Variants in SHC3 observed in about 807,000 individuals in gnomAD.
SHC3 encodes the protein SHC adaptor protein 3, also known as SHC-transforming protein 3.
A neutral mutation model predicts 60.4 loss-of-function variants in SHC3; 15 were observed. The observed-to-expected ratio is 0.25, with a 90% confidence interval of 0.17 to 0.38. The LOEUF is 0.38. Among genes scored for constraint, SHC3 ranks in the 10% least tolerant of loss-of-function variants. The probability of loss-of-function intolerance (pLI) is 1.00; values close to 1 mark genes in which losing one functional copy is unlikely to be tolerated. For synonymous variants in SHC3, 294 were observed against 325.9 expected, an observed-to-expected ratio of 0.90 and a Z score of 1.05; for missense variants, 677 against 786.1, an observed-to-expected ratio of 0.86 and a Z score of 1.66.
At chr9:89,108,800 CCTAACA>C (rs531450835) in intron 2 of SHC3, among the ~76,000 whole-genome samples, 221 of 152,196 alleles carry the variant, frequency 1.5e-3, no homozygotes, top group African/African-American at 5.1e-3. Flanking sequence ...AGAAAGTCGC[CCTAACA>C]CTAACAGAAT....
intron 6 of SHC3, among the ~76,000 whole-genome samples, chr9:89,060,131 C>CA (rs1825060417): frequency 7.8e-6 from 1 of 128,006 alleles, no homozygotes; most frequent in African/African-American, 3.0e-5. Flanking sequence ...TGGTGTAGGA[C>CA]GTGGTGGAGG....
At chr9:89,127,070 G>A (rs535252271) in intron 1 of SHC3, among the ~76,000 whole-genome samples, 4 of 152,254 alleles carry the variant, frequency 2.6e-5, no homozygotes, top group Middle Eastern at 3.4e-3. Context: ...TAGACTCCTG[G>A]GAAAAGCAAT....
chr9:89,048,490 A>G (rs1371058755), intron 7 of SHC3, among the ~76,000 whole-genome samples: 2 of 152,188 alleles, frequency 1.3e-5, no homozygotes, highest in Admixed American at 6.5e-5. Context: ...AAAGTAGATT[A>G]GTGGTTGGTG....
In SHC3 at chr9:89,178,584, G is replaced by C. The variant is rs974566587; in HGVS notation, c.-124C>G. On this transcript the variant is annotated 5_prime_UTR_variant, in exon 1 of 12. Transcript: ENST00000375835. This position sits in a 1 kb window ranked among gnomAD's most constrained non-coding sequence, Gnocchi z 6.9. ...GACGGAGAGTGGGGGCCCCGGGACA[G>C]CCTTCTGGAGAACGAGAGCAGAGCA... The C allele has an allele frequency of 1.2e-6, 1 of 816,974 alleles. No homozygotes were observed. The highest frequency in any genetic ancestry group is 1.8e-5 in the African/African-American group (1 of 55,446). The allele number at this position is 816,974 out of a possible 1,614,324, so 50.6% of individuals were successfully genotyped here. A position where few individuals can be genotyped will look rare whatever the true frequency, so the allele number is the denominator to read the frequency against.
At chr9:89,112,741 C>G in intron 1 of SHC3, 115 bp from the exon 2 acceptor site, 1 of 833,154 alleles carries the variant, frequency 1.2e-6, no homozygotes, top group Non-Finnish European at 1.8e-6. Context: ...CACATTTTAA[C>G]TTTAAATTCT....
chr9:89,099,646 G>A lies in SHC3; in HGVS notation c.545+12910C>T, dbSNP rs183447706. ...TACTGATCATTGACCTAATTCTGCCGACACAAACAGCTTCAAGTGTGCCCA... is the reference window on the plus strand; with the variant it reads ...TACTGATCATTGACCTAATTCTGCCAACACAAACAGCTTCAAGTGTGCCCA... On this transcript the variant is annotated intron_variant, in intron 2 of 11. Transcript: ENST00000375835. 1.0e-3 allele frequency among the ~76,000 whole-genome samples: 156 copies of A among 152,208 alleles called. 1 individual carries two copies. The highest frequency in any genetic ancestry group is 1.5e-3 in the Admixed American group (23 of 15,292).
At position 89,164,469 on chromosome 9, in the gene SHC3, T is replaced by C. The variant is rs530661537; in HGVS notation, c.474+13518A>G. 1.9e-4 allele frequency among the ~76,000 whole-genome samples: 29 copies of C among 152,158 alleles called. 1 individual carries two copies. The South Asian group carries it at 6.0e-3, about 32-fold the overall frequency. ...GTTTGGGAGAAAACAAGTTTCTCCATATGGTTGGAGTATCGGGGGGTAGGG... is the reference window on the plus strand; with the variant it reads ...GTTTGGGAGAAAACAAGTTTCTCCACATGGTTGGAGTATCGGGGGGTAGGG... On this transcript the variant is annotated intron_variant, in intron 1 of 11. Coordinates refer to ENST00000375835, the MANE Select transcript of SHC3 (RefSeq NM_016848.6).
chr9:89,144,245 C>T (rs953156157), intron 1 of SHC3, among the ~76,000 whole-genome samples: 6 of 152,122 alleles, frequency 3.9e-5, no homozygotes, highest in African/African-American at 1.4e-4. Context: ...TGATTTTTTA[C>T]TCTATGTATG....
intron 1 of SHC3, among the ~76,000 whole-genome samples, chr9:89,163,600 G>C (rs1347018663): frequency 1.8e-5 from 2 of 110,188 alleles, no homozygotes; most frequent in Non-Finnish European, 1.8e-5. Context: ...GTTGTGGGGT[G>C]GGGGGAGGGG....
chr9:89,095,022 T>C (rs1587723835), intron 2 of SHC3, among the ~76,000 whole-genome samples: 1 of 151,652 alleles, frequency 6.6e-6, no homozygotes, highest in Non-Finnish European at 1.5e-5. Context: ...CTTGTTGGAG[T>C]ATACAATTGT....
At chr9:89,070,047 A>G (rs1445104927) in intron 5 of SHC3, among the ~76,000 whole-genome samples, 4 of 152,232 alleles carry the variant, frequency 2.6e-5, no homozygotes, top group African/African-American at 9.6e-5. Context: ...ACCTTTATGT[A>G]ACATCTGAAG....
At chr9:89,051,249 T>C (rs937382065) in intron 7 of SHC3, among the ~76,000 whole-genome samples, 1 of 152,170 alleles carries the variant, frequency 6.6e-6, no homozygotes, top group Non-Finnish European at 1.5e-5. Flanking sequence ...ATCACAACAT[T>C]AGAATAGATT....
intron 2 of SHC3, chr9:89,110,555 G>T: frequency 1.3e-6 from 1 of 746,722 alleles, no homozygotes; most frequent in Non-Finnish European, 1.6e-6. Flanking sequence ...TCAACTGGAT[G>T]CAAAGTGCTT....
rs554094053 is a variant in SHC3, at chr9:89,120,845, AAATT to A, written c.475-8223_475-8220del. Among the ~76,000 whole-genome samples, 110 of 152,110 alleles carry A rather than the reference AAATT, an allele frequency of 7.2e-4. 2 individuals carry two copies. The highest frequency in any genetic ancestry group is 3.3e-3 in the Admixed American group (50 of 15,282). On this transcript the variant is annotated intron_variant, in intron 1 of 11. Coordinates refer to ENST00000375835, the MANE Select transcript of SHC3 (RefSeq NM_016848.6). ...ACTCCCAAAGATACAATTCCGGAAA[AAATT>A]AATTATTTAAAATAAAATAAACATA...
chr9:89,119,693 A>T (rs1398728371), intron 1 of SHC3, among the ~76,000 whole-genome samples: 1 of 152,232 alleles, frequency 6.6e-6, no homozygotes, highest in African/African-American at 2.4e-5. Context: ...AAACATGCCA[A>T]TTCTTCCCCA....
intron 1 of SHC3, among the ~76,000 whole-genome samples, chr9:89,176,443 A>G (rs933708920): frequency 6.6e-6 from 1 of 152,210 alleles, no homozygotes. Context: ...TTTGAAAACT[A>G]CTCTGTTTAA....
chr9:89,019,100 C>T (rs906530144), intron 11 of SHC3, among the ~76,000 whole-genome samples: 1 of 151,296 alleles, frequency 6.6e-6, no homozygotes, highest in Non-Finnish European at 1.5e-5. Context: ...AAAAACCCTA[C>T]AGCTAACATT....
intron 2 of SHC3, among the ~76,000 whole-genome samples, chr9:89,107,950 G>A (rs1255808096): frequency 6.6e-6 from 1 of 152,210 alleles, no homozygotes. Flanking sequence ...AGTCAATGAT[G>A]AGCCAACTAC....
chr9:89,120,269 T>C (rs758929925), intron 1 of SHC3, among the ~76,000 whole-genome samples: 19 of 152,148 alleles, frequency 1.2e-4, no homozygotes, highest in Middle Eastern at 6.8e-3. Flanking sequence ...ACAAATGACA[T>C]AGGTAGCATG....
Sources: gnomAD v4.1 joint callset for allele counts (sites outside exome capture counted in the v4.1 genomes callset) on GRCh38, gnomAD v4.1.1 for gene constraint, Gnocchi (gnomAD v3.1) non-coding constraint, MANE v1.5 for transcripts, NCBI Gene and HGNC (gene_info 2026-07-23, HGNC 2026-07-21) for gene names.